GRIK4: variants seen among roughly 807,000 people sequenced by gnomAD.
GRIK4 encodes glutamate receptor ionotropic, kainate 4.
A neutral mutation model predicts 104.9 loss-of-function variants in GRIK4; 40 were observed. That is an observed-to-expected ratio of 0.38 (90% CI 0.30 to 0.50). The LOEUF (loss-of-function observed/expected upper bound fraction) is 0.50. Among genes scored for constraint, GRIK4 ranks in the 20% least tolerant of loss-of-function variants. GRIK4 has a pLI of 0.93. For synonymous variants in GRIK4, 485 were observed against 524.9 expected (o/e 0.92, Z 1.04); for missense variants, 1,047 against 1,308.1 (o/e 0.80, Z 3.08).
chr11:120,773,441 A>G (rs1464203582), intron 3 of GRIK4, among the ~76,000 whole-genome samples: 1 of 152,254 alleles, frequency 6.6e-6, no homozygotes, highest in Non-Finnish European at 1.5e-5. Context: ...TAGCTGAGCA[A>G]GAAGGAGCAA....
intron 2 of GRIK4, among the ~76,000 whole-genome samples, 165 bp downstream of exon 2, chr11:120,653,957 C>T (rs1204254934): frequency 6.6e-6 from 1 of 152,228 alleles, no homozygotes; most frequent in Non-Finnish European, 1.5e-5. Flanking sequence ...AGGCTCCTAC[C>T]TGTTGGGTGT....
rs185731571 is a variant in GRIK4 at position 120,516,720 on chromosome 11, G to A, written c.-159+4833G>A. ...AACAGCAGAGCGCGCTGACAGATTGGATGCAGCAGATGAAGGAGCCGGAAG... is the reference window on the plus strand; with the variant it reads ...AACAGCAGAGCGCGCTGACAGATTGAATGCAGCAGATGAAGGAGCCGGAAG... On this transcript the variant is annotated intron_variant, in intron 1 of 20. Coordinates refer to ENST00000527524, the MANE Select transcript of GRIK4 (RefSeq NM_014619.5). Among the ~76,000 whole-genome samples, 144 of 152,286 alleles carry A rather than the reference G, an allele frequency of 9.5e-4. 3 individuals are homozygous for A. The East Asian group carries it at 0.022, about 23-fold the overall frequency.
At chr11:120,929,001 G>A (rs1591295909) in intron 13 of GRIK4, among the ~76,000 whole-genome samples, 2 of 144,796 alleles carry the variant, frequency 1.4e-5, no homozygotes, top group Admixed American at 1.4e-4. Flanking sequence ...GCGCGTGCAC[G>A]CGTGTATGTG....
chr11:120,908,548 C>T (rs1472317795), intron 13 of GRIK4, among the ~76,000 whole-genome samples: 1 of 152,120 alleles, frequency 6.6e-6, no homozygotes, highest in African/African-American at 2.4e-5. Context: ...TCAAATCTTG[C>T]ATGCTAAATC....
intron 3 of GRIK4, among the ~76,000 whole-genome samples, chr11:120,721,024 C>A (rs896389421): frequency 6.6e-6 from 1 of 151,884 alleles, no homozygotes; most frequent in Admixed American, 6.6e-5. Context: ...ATTCATTCAC[C>A]TAAGAGTAAC....
intron 13 of GRIK4, among the ~76,000 whole-genome samples, chr11:120,925,137 C>T (rs1434798015): frequency 1.3e-5 from 2 of 152,120 alleles, no homozygotes; most frequent in East Asian, 1.9e-4. Context: ...AGAAGGAGCA[C>T]AGGGAAGGCC....
intron 1 of GRIK4, among the ~76,000 whole-genome samples, chr11:120,600,597 C>A (rs181781199): frequency 6.2e-4 from 94 of 152,286 alleles, no homozygotes; most frequent in African/African-American, 2.2e-3. Context: ...GCCAGGAGTG[C>A]AGAGGCAGGG....
Position 120,793,658 on chromosome 11 carries a change from G to A in GRIK4, c.83-9035G>A, listed in dbSNP as rs114808778. ...CCAGCAATGGTTACAGGTGAAAGGT[G>A]ATGTTAGGGGCTGAGAGTAGGGTGA... On this transcript the variant is annotated intron_variant, in intron 3 of 20. Coordinates refer to ENST00000527524, the MANE Select transcript of GRIK4 (RefSeq NM_014619.5). Among the ~76,000 whole-genome samples, 1,186 of 151,810 alleles carry A rather than the reference G, an allele frequency of 7.8e-3. 18 individuals carry two copies. The highest frequency in any genetic ancestry group is 0.027 in the African/African-American group (1,122 of 41,374).
chr11:120,687,507 A>G (rs923874885), intron 3 of GRIK4, among the ~76,000 whole-genome samples: 6 of 152,024 alleles, frequency 3.9e-5, no homozygotes, highest in African/African-American at 7.3e-5. Context: ...TGTTTAGATC[A>G]CCTGTGAATC....
chr11:120,522,977 C>G (rs1947813165), intron 1 of GRIK4, among the ~76,000 whole-genome samples: 1 of 151,940 alleles, frequency 6.6e-6, no homozygotes, highest in Non-Finnish European at 1.5e-5. Context: ...AAAATGTGTG[C>G]ACAGACACCT....
chr11:120,894,020 G>A (rs1388012156), intron 11 of GRIK4, among the ~76,000 whole-genome samples: 3 of 152,184 alleles, frequency 2.0e-5, no homozygotes, highest in Admixed American at 2.0e-4. Context: ...CCATCTCAGA[G>A]AAGAAGAGAA....
At chr11:120,857,045 C>T (rs1199366980) in intron 8 of GRIK4, among the ~76,000 whole-genome samples, 1 of 152,192 alleles carries the variant, frequency 6.6e-6, no homozygotes, top group African/African-American at 2.4e-5. Context: ...TTTCTTGGCA[C>T]TGGACCCTGT....
chr11:120,537,358 A>G (rs1269225828), intron 1 of GRIK4, among the ~76,000 whole-genome samples: 1 of 152,190 alleles, frequency 6.6e-6, no homozygotes, highest in Non-Finnish European at 1.5e-5. Context: ...AGACGGAGAT[A>G]TTGGAACTCT....
At chr11:120,812,834 G>C (rs1412905948) in intron 4 of GRIK4, among the ~76,000 whole-genome samples, 2 of 152,230 alleles carry the variant, frequency 1.3e-5, no homozygotes, top group Admixed American at 1.3e-4. Context: ...GCAGAGACAA[G>C]GGTGGAGGCT....
intron 1 of GRIK4, among the ~76,000 whole-genome samples, chr11:120,581,594 C>T (rs1293755711): frequency 6.6e-6 from 1 of 152,148 alleles, no homozygotes; most frequent in Non-Finnish European, 1.5e-5. Context: ...TCCTAGAGAA[C>T]ACCATTCTGT....
At chr11:120,515,443 TG>T (rs1359880546) in intron 1 of GRIK4, among the ~76,000 whole-genome samples, 1 of 152,150 alleles carries the variant, frequency 6.6e-6, no homozygotes, top group Non-Finnish European at 1.5e-5. Context: ...GGAATGTGAG[TG>T]GGAGTGTGAC....
At chr11:120,750,893 G>A (rs1945011) in intron 3 of GRIK4, among the ~76,000 whole-genome samples, 59,642 of 152,026 alleles carry the variant, frequency 0.39, 14,130 homozygotes, top group African/African-American at 0.68. Flanking sequence ...AGTGAAACTC[G>A]GATAAATTAA....
rs751709096 is a variant in GRIK4, at chr11:120,962,524, G to C, written c.2109G>C (p.Val703=). The C allele has an allele frequency of 2.5e-6, 4 of 1,614,030 alleles. No homozygotes were observed. Among genetic ancestry groups the C allele is most frequent in the Non-Finnish European group, 3.4e-6 (4 of 1,180,010 alleles). ...YMYSKQPSVF[V]KSTEEGIARV... ...ATTCCAAGCAGCCCAGCGTGTTCGT[G>C]AAGAGCACAGAGGAGGGAATCGCCA... Residue 703 remains valine, a synonymous_variant, in exon 18 of 21, where the codon GTG becomes GTC. Transcript: ENST00000527524.
intron 1 of GRIK4, among the ~76,000 whole-genome samples, chr11:120,650,597 G>A (rs914620578): frequency 1.3e-5 from 2 of 152,154 alleles, no homozygotes; most frequent in African/African-American, 4.8e-5. Flanking sequence ...TTCCTTCACA[G>A]TCTGTAATTA....
Sources: gnomAD v4.1 joint callset for allele counts (sites outside exome capture counted in the v4.1 genomes callset) on GRCh38, gnomAD v4.1.1 for gene constraint, MANE v1.5 for transcripts, NCBI Gene and HGNC (gene_info 2026-07-23, HGNC 2026-07-21) for gene names.